CACNA2D3: variants seen among roughly 807,000 people sequenced by gnomAD.
CACNA2D3 encodes calcium voltage-gated channel auxiliary subunit alpha2delta 3.
Under a neutral mutation model 160.6 loss-of-function variants are expected in CACNA2D3, and 60 were observed. The observed-to-expected ratio is 0.37, with a 90% CI of 0.30 to 0.46. The LOEUF is 0.46. CACNA2D3 is among the 20% of genes least tolerant of loss of function. The probability of loss-of-function intolerance (pLI) is 1.00; values close to 1 mark genes in which losing one functional copy is unlikely to be tolerated. For synonymous variants in CACNA2D3, 558 were observed against 492.9 expected (o/e 1.13, Z -1.75); for missense variants, 1,205 against 1,365.0 (o/e 0.88, Z 1.85).
At chr3:54,536,809 G>A (rs1292307560) in intron 5 of CACNA2D3, among the ~76,000 whole-genome samples, 4 of 152,204 alleles carry the variant, frequency 2.6e-5, no homozygotes, top group Non-Finnish European at 5.9e-5. Flanking sequence ...AATAGCTGAA[G>A]CCTATTCTCT....
chr3:54,976,022 AG>A (rs1702382600), intron 29 of CACNA2D3, among the ~76,000 whole-genome samples: 1 of 151,630 alleles, frequency 6.6e-6, no homozygotes, highest in Non-Finnish European at 1.5e-5. Context: ...AGGTATCCAT[AG>A]AGATTAGATA....
At chr3:55,070,958 A>AGAG (rs1279653765) in intron 35 of CACNA2D3, among the ~76,000 whole-genome samples, 2 of 152,262 alleles carry the variant, frequency 1.3e-5, no homozygotes, top group East Asian at 3.9e-4. Context: ...TTATATCTGA[A>AGAG]GAGTTTTGGG....
At chr3:54,981,436 C>A (rs1442543037) in intron 29 of CACNA2D3, among the ~76,000 whole-genome samples, 1 of 151,972 alleles carries the variant, frequency 6.6e-6, no homozygotes, top group African/African-American at 2.4e-5. Flanking sequence ...AGGATAAATC[C>A]TTTACAGAGA....
Position 54,649,275 on chromosome 3 carries a change from A to T in CACNA2D3, c.1167+7034A>T, listed in dbSNP as rs111848450. ...GCCCAGCCTTGGCCTGGAATGTTGA[A>T]ATGTAGGGTCTTTATAAATGCTAGA... is the stretch of plus-strand genomic sequence containing the variant. On this transcript the variant is annotated intron_variant, in intron 11 of 37. Transcript: ENST00000474759. 1.9e-3 allele frequency among the ~76,000 whole-genome samples: 284 copies of T among 152,182 alleles called. 1 individual carries two copies. The highest frequency in any genetic ancestry group is 6.3e-3 in the African/African-American group (262 of 41,520).
intron 3 of CACNA2D3, among the ~76,000 whole-genome samples, chr3:54,342,414 G>A (rs192900858): frequency 1.8e-4 from 27 of 152,310 alleles, no homozygotes; most frequent in Admixed American, 4.6e-4. Flanking sequence ...ATAAAATTGC[G>A]TTGAAATGGT....
intron 28 of CACNA2D3, 50 bp from the exon 29 acceptor site, chr3:54,969,750 A>G (rs1485870315): frequency 9.0e-6 from 14 of 1,548,518 alleles, no homozygotes; most frequent in East Asian, 4.5e-5. Context: ...AGGCACTGGG[A>G]TGCCCAAGTA....
intron 3 of CACNA2D3, among the ~76,000 whole-genome samples, chr3:54,364,379 T>C (rs1220282769): frequency 6.6e-6 from 1 of 152,248 alleles, no homozygotes; most frequent in Non-Finnish European, 1.5e-5. Context: ...ATTATTCTTG[T>C]GCCTCTTAAT....
intron 5 of CACNA2D3, among the ~76,000 whole-genome samples, chr3:54,553,725 T>C (rs1702195801): frequency 1.3e-5 from 2 of 152,074 alleles, no homozygotes. Flanking sequence ...GCTAATTCGG[T>C]GGAGAATAAA....
chr3:54,770,911 TA>T (rs1327686219), intron 13 of CACNA2D3, among the ~76,000 whole-genome samples: 1 of 152,184 alleles, frequency 6.6e-6, no homozygotes, highest in Non-Finnish European at 1.5e-5. Flanking sequence ...GCTAAAAAAT[TA>T]CCACTGTGCT....
intron 5 of CACNA2D3, among the ~76,000 whole-genome samples, chr3:54,537,190 C>T (rs989525641): frequency 2.0e-5 from 3 of 152,028 alleles, no homozygotes; most frequent in Non-Finnish European, 4.4e-5. Context: ...TGTTGATCAT[C>T]TCATGAAGAG....
intron 10 of CACNA2D3, among the ~76,000 whole-genome samples, 181 bp from the exon 11 acceptor site, chr3:54,641,947 T>G (rs17081825): frequency 0.12 from 17,920 of 152,174 alleles, 3,467 homozygotes; most frequent in African/African-American, 0.41. Flanking sequence ...AAAGATCCAA[T>G]TTGTCAGAGC....
At chr3:55,029,269 A>G (rs75236914) in intron 35 of CACNA2D3, among the ~76,000 whole-genome samples, 1 of 152,200 alleles carries the variant, frequency 6.6e-6, no homozygotes, top group Non-Finnish European at 1.5e-5. Flanking sequence ...ACTAGTGCAA[A>G]GATCTTAACA....
intron 2 of CACNA2D3, among the ~76,000 whole-genome samples, chr3:54,272,570 G>T (rs1190786455): frequency 2.6e-5 from 4 of 151,934 alleles, no homozygotes; most frequent in Admixed American, 2.0e-4. Flanking sequence ...CCCTCCCAGG[G>T]ATGAGTGATG....
chr3:54,438,146 C>T (rs1700087848), intron 4 of CACNA2D3, among the ~76,000 whole-genome samples: 1 of 152,156 alleles, frequency 6.6e-6, no homozygotes, highest in African/African-American at 2.4e-5. Flanking sequence ...TTTATAATTA[C>T]TATAATGCTC....
chr3:54,755,586 G>T (rs1701954624), intron 12 of CACNA2D3, among the ~76,000 whole-genome samples: 1 of 151,988 alleles, frequency 6.6e-6, no homozygotes, highest in Non-Finnish European at 1.5e-5. Flanking sequence ...CAATAATTCT[G>T]CTTGTCTCAG....
At chr3:54,126,537 C>T (rs1252471620) in intron 2 of CACNA2D3, among the ~76,000 whole-genome samples, 1 of 151,992 alleles carries the variant, frequency 6.6e-6, no homozygotes, top group Non-Finnish European at 1.5e-5. Flanking sequence ...ATATTTTTTT[C>T]TTCTGTCTTT....
intron 2 of CACNA2D3, among the ~76,000 whole-genome samples, chr3:54,291,968 G>A (rs760383273): frequency 1.3e-5 from 2 of 152,098 alleles, no homozygotes; most frequent in East Asian, 3.8e-4. Flanking sequence ...AAAAAATAAA[G>A]TTGAAAAACA....
intron 35 of CACNA2D3, among the ~76,000 whole-genome samples, chr3:55,065,541 C>A (rs951623375): frequency 6.6e-6 from 1 of 152,110 alleles, no homozygotes; most frequent in Admixed American, 6.5e-5. Context: ...GGGTCATGCT[C>A]CTGTGGTCCC....
chr3:54,824,400 A>G (rs1385809613), intron 14 of CACNA2D3, among the ~76,000 whole-genome samples: 1 of 152,166 alleles, frequency 6.6e-6, no homozygotes, highest in Non-Finnish European at 1.5e-5. Flanking sequence ...GGGAAGGACT[A>G]CCTTGGCTTA....
Sources: allele counts gnomAD v4.1 joint callset (sites outside exome capture counted in the v4.1 genomes callset), GRCh38; gene constraint gnomAD v4.1.1; transcripts MANE v1.5; gene names NCBI Gene and HGNC (gene_info 2026-07-23, HGNC 2026-07-21).